Variants in ABCA13 observed in about 807,000 individuals in gnomAD.
ABCA13 encodes ATP binding cassette subfamily A member 13.
Under a neutral mutation model 478.7 loss-of-function variants are expected in ABCA13, and 476 were observed. The ratio of observed to expected loss-of-function variants is 0.99; its 90% CI spans 0.92 to 1.07. The LOEUF (loss-of-function observed/expected upper bound fraction) is 1.07, where lower values mean the gene tolerates loss of function less well. Ranked by LOEUF, ABCA13 falls within the 50% of genes least tolerant of loss-of-function variation. The pLI is 0.00. For synonymous variants in ABCA13, 2,252 were observed against 2,158.9 expected (o/e 1.04, Z -1.20); for missense variants, 6,060 against 5,910.6 (o/e 1.03, Z -0.83).
intron 53 of ABCA13, among the ~76,000 whole-genome samples, chr7:48,522,525 C>T (rs1248400831): frequency 6.6e-6 from 1 of 152,140 alleles, no homozygotes; most frequent in Non-Finnish European, 1.5e-5. Context: ...CTGGAAAGTT[C>T]TGCTATACCT....
chr7:48,631,735 A>G (rs2131639291), intron 59 of ABCA13, among the ~76,000 whole-genome samples: 1 of 152,172 alleles, frequency 6.6e-6, no homozygotes, highest in South Asian at 2.1e-4. Flanking sequence ...TAGGAATTAC[A>G]TTGAATCTGT....
At chr7:48,314,448 G>T (rs372997294) in intron 26 of ABCA13, 39 bp downstream of exon 26, 1 of 1,472,792 alleles carries the variant, frequency 6.8e-7, no homozygotes, top group South Asian at 1.3e-5. Context: ...GTTTAGATTC[G>T]TTTGTATCTT....
At chr7:48,375,710 C>G (rs1813372820) in intron 34 of ABCA13, among the ~76,000 whole-genome samples, 1 of 151,848 alleles carries the variant, frequency 6.6e-6, no homozygotes, top group Admixed American at 6.6e-5. Flanking sequence ...TTGTACTGGT[C>G]TTTGAGTTCT....
intron 32 of ABCA13, 98 bp from the exon 33 acceptor site, chr7:48,372,070 A>G (rs927867465): frequency 4.1e-6 from 5 of 1,229,808 alleles, no homozygotes; most frequent in Non-Finnish European, 5.6e-6. Flanking sequence ...AAGCAGATTT[A>G]CCTTTCCACT....
chr7:48,462,979 G>T (rs1230866289), intron 43 of ABCA13, among the ~76,000 whole-genome samples: 1 of 151,914 alleles, frequency 6.6e-6, no homozygotes, highest in African/African-American at 2.4e-5. Context: ...CTTCTGTGTG[G>T]ATTTTTCTTA....
rs71006572 is a variant in ABCA13, at chr7:48,644,589, CTTT to C, written c.14944-11_14944-9del. 164,878 of 1,337,688 alleles carry C rather than the reference CTTT, an allele frequency of 0.12. 34 individuals are homozygous for C. The highest frequency in any genetic ancestry group is 0.14 in the East Asian group (5,355 of 37,780). 82.9% of individuals were successfully genotyped at this position (1,337,688 alleles called of 1,614,324 possible). On this transcript the variant is annotated intron_variant, in intron 60 of 61. Transcript: ENST00000435803. ...GTTTAATAATGCTAGTTATATGATA[CTTT>C]TTTTTTTTTTTTTTTTGCTTTTAGG...
chr7:48,607,751 G>T (rs545607958), intron 58 of ABCA13, among the ~76,000 whole-genome samples: 1 of 152,102 alleles, frequency 6.6e-6, no homozygotes, highest in East Asian at 1.9e-4. Flanking sequence ...CCTCCCCTGT[G>T]GTGGTTATTG....
chr7:48,239,082 G>A (rs554007755), intron 8 of ABCA13, among the ~76,000 whole-genome samples, 159 bp from the exon 9 acceptor site: 3 of 152,052 alleles, frequency 2.0e-5, no homozygotes, highest in Admixed American at 2.0e-4. Flanking sequence ...TAACTACCAA[G>A]TCTTCCCTCA....
chr7:48,219,652 A>G, intron 4 of ABCA13, 147 bp downstream of exon 4: 2 of 1,099,728 alleles, frequency 1.8e-6, no homozygotes, highest in Non-Finnish European at 1.3e-6. Flanking sequence ...TGAGGCCAGC[A>G]CCTGCAGACG....
intron 4 of ABCA13, among the ~76,000 whole-genome samples, chr7:48,220,774 C>G (rs1452423064): frequency 6.6e-6 from 1 of 152,184 alleles, no homozygotes; most frequent in Non-Finnish European, 1.5e-5. Flanking sequence ...AGGTTTTTAA[C>G]ATGCTATTTA....
chr7:48,273,725 T>TA lies in ABCA13; in HGVS notation c.4060dup (p.Thr1354AsnfsTer2). On this transcript the variant is annotated frameshift_variant, in exon 17 of 62. Coordinates refer to ENST00000435803, the MANE Select transcript of ABCA13 (RefSeq NM_152701.5). LOFTEE classifies it high-confidence loss of function. ...CCTGTGCTGATATTTTCCAAAATGT[T>TA]ACTGAGTGTATTTTAGAAGATGGCT... 6.2e-7 allele frequency: 1 copy of TA among 1,609,582 alleles called. No individual in the cohort carries two copies. The highest frequency in any genetic ancestry group is 1.3e-5 in the African/African-American group (1 of 75,016).
At position 48,279,104 on chromosome 7, in the gene ABCA13, AAAT is replaced by A. The variant is rs200644776; in HGVS notation, c.7911_7913del (p.Glu2637_Ile2638delinsAsp). ...AAGGACTTTTCTGATATTTTGGAAG[AAAT>A]TGCTGAATTTTTAACATCTGTGAAA... On this transcript the variant is annotated inframe_deletion, in exon 18 of 62. Coordinates refer to ENST00000435803, the MANE Select transcript of ABCA13 (RefSeq NM_152701.5). 21,650 of 1,611,648 alleles carry A rather than the reference AAAT, an allele frequency of 0.013. 181 individuals carry two copies. Among genetic ancestry groups the A allele is most frequent in the Middle Eastern group, 0.021 (126 of 6,058 alleles).
chr7:48,555,620 G>T (rs1348038364), intron 55 of ABCA13, among the ~76,000 whole-genome samples: 2 of 151,652 alleles, frequency 1.3e-5, no homozygotes, highest in Non-Finnish European at 3.0e-5. Context: ...GCATATAGTA[G>T]CCACTAATGA....
intron 43 of ABCA13, among the ~76,000 whole-genome samples, chr7:48,461,444 GTCC>G (rs2129970648): frequency 6.6e-6 from 1 of 152,296 alleles, no homozygotes; most frequent in East Asian, 1.9e-4. Context: ...CTCGCCCATG[GTCC>G]TTTTACAGTC....
intron 38 of ABCA13, among the ~76,000 whole-genome samples, chr7:48,398,998 A>C (rs956603907): frequency 1.3e-4 from 20 of 152,184 alleles, no homozygotes; most frequent in African/African-American, 4.6e-4. Flanking sequence ...AGACTTAAAA[A>C]ATGGCCTTTG....
chr7:48,579,381 A>G (rs1053527888), intron 55 of ABCA13, among the ~76,000 whole-genome samples: 1 of 152,254 alleles, frequency 6.6e-6, no homozygotes, highest in Admixed American at 6.5e-5. Context: ...GCTCAACATC[A>G]TATGTCATTG....
chr7:48,227,121 T>C, intron 5 of ABCA13, 141 bp from the exon 6 acceptor site: 2 of 761,426 alleles, frequency 2.6e-6, no homozygotes, highest in Admixed American at 2.7e-5. Context: ...GGCAAATCTG[T>C]TCAATGTAGT....
chr7:48,207,753 C>G (rs1304566671), intron 3 of ABCA13, among the ~76,000 whole-genome samples: 1 of 151,970 alleles, frequency 6.6e-6, no homozygotes, highest in African/African-American at 2.4e-5. Flanking sequence ...CGAGTTGTTT[C>G]TTAACTTGGT....
At position 48,229,891 on chromosome 7, in the gene ABCA13, AC is replaced by A. The variant is rs1178520144; in HGVS notation, c.700del (p.Val235TyrfsTer2). On this transcript the variant is annotated frameshift_variant, in exon 7 of 62. Transcript: ENST00000435803. LOFTEE classifies it high-confidence loss of function. ...ACCAAACTTTTTCCCAGGTTTCTGA[AC>A]TTGTACTGAATGTGACCATTTCGAC... ...LNQTFSQVSE[L>X]VLNVTISTLT... The A allele has an allele frequency of 1.9e-6, 3 of 1,614,010 alleles. No homozygotes were observed. The highest frequency in any genetic ancestry group is 2.5e-6 in the Non-Finnish European group (3 of 1,179,892).
Sources: gnomAD v4.1 joint callset for allele counts (sites outside exome capture counted in the v4.1 genomes callset) on GRCh38, gnomAD v4.1.1 for gene constraint, MANE v1.5 for transcripts, NCBI Gene and HGNC (gene_info 2026-07-23, HGNC 2026-07-21) for gene names.